Variants in EIF2B3 observed in about 807,000 individuals in gnomAD.
EIF2B3 encodes the protein translation initiation factor eIF2B subunit gamma.
In EIF2B3, 20 loss-of-function variants were observed where a neutral mutation model predicts 54.1. That is an observed-to-expected ratio of 0.37 (90% CI 0.26 to 0.54). The LOEUF (loss-of-function observed/expected upper bound fraction) is 0.54. Among genes scored for constraint, EIF2B3 ranks in the 20% least tolerant of loss-of-function variants. EIF2B3 has a pLI of 0.86. For synonymous variants in EIF2B3, 153 were observed against 188.1 expected, an observed-to-expected ratio of 0.81 and a Z score of 1.52; for missense variants, 448 against 547.8, an observed-to-expected ratio of 0.82 and a Z score of 1.82.
rs116105665 is a variant in EIF2B3, at chr1:44,914,790, G to A, written c.566+11838C>T. ...TGCTAGCTCCGCCACCCTGTTTCAC[G>A]ACATTCTCCTGCCTCAGCCTCCCAA... On this transcript the variant is annotated intron_variant, in intron 5 of 11. Transcript: ENST00000360403. Among the ~76,000 whole-genome samples the A allele has an allele frequency of 5.2e-3, 788 of 152,108 alleles. 10 individuals are homozygous for A. Among genetic ancestry groups the A allele is most frequent in the African/African-American group, 0.018 (756 of 41,536 alleles).
At position 44,966,385 on chromosome 1, in the gene EIF2B3, G is replaced by A. The variant is rs1196428532; in HGVS notation, c.294+11930C>T. Among the ~76,000 whole-genome samples the A allele has an allele frequency of 2.0e-5, 3 of 150,262 alleles. No homozygotes were observed. In the East Asian group the frequency reaches 5.9e-4, roughly 30 times the overall value. ...ACCTGGGGGGCGGAGCTTGCAGTGA[G>A]CCGAGATTATGCCACTGCACTCCAG... On this transcript the variant is annotated intron_variant, in intron 3 of 11. Transcript: ENST00000360403.
chr1:44,949,728 T>C (rs529482360), intron 3 of EIF2B3, among the ~76,000 whole-genome samples: 1 of 152,338 alleles, frequency 6.6e-6, no homozygotes, highest in East Asian at 1.9e-4. Context: ...GCAGCTGTCC[T>C]GGAGGGCACG....
intron 6 of EIF2B3, among the ~76,000 whole-genome samples, chr1:44,889,946 C>T (rs1346683690): frequency 6.6e-6 from 1 of 152,304 alleles, no homozygotes; most frequent in East Asian, 1.9e-4. Flanking sequence ...TCATAAAACC[C>T]CAGGAATGGG....
chr1:44,902,651 G>A (rs997164219), intron 5 of EIF2B3, among the ~76,000 whole-genome samples: 25 of 151,724 alleles, frequency 1.6e-4, no homozygotes, highest in African/African-American at 6.0e-4. Flanking sequence ...AGGAGACCTT[G>A]TCTCCACAAA....
rs1654656449 is a variant in EIF2B3 at position 44,862,876 on chromosome 1, CGT to C, written c.1203-5071_1203-5070del. ...CCTCCCAAAGTGTTGGGATTACAGG[CGT>C]GAGCCACTGCACCCAGCCTACACTC... On this transcript the variant is annotated intron_variant, in intron 10 of 11. Coordinates refer to ENST00000360403, the MANE Select transcript of EIF2B3 (RefSeq NM_020365.5). 2.6e-5 allele frequency: 4 copies of C among 152,080 alleles called. No individual in the cohort carries two copies. The South Asian group carries it at 8.3e-4, about 32-fold the overall frequency. The allele number at this position is 152,080 out of a possible 1,614,324, so 9.4% of individuals were successfully genotyped here.
At chr1:44,977,340 G>A (rs1011872520) in intron 3 of EIF2B3, among the ~76,000 whole-genome samples, 7 of 152,198 alleles carry the variant, frequency 4.6e-5, no homozygotes, top group South Asian at 4.1e-4. Flanking sequence ...ATTTTTGAAC[G>A]TTCCTTTGTA....
At chr1:44,978,724 C>T (rs1644481342) in intron 2 of EIF2B3, among the ~76,000 whole-genome samples, 2 of 144,376 alleles carry the variant, frequency 1.4e-5, no homozygotes, top group South Asian at 4.6e-4. Context: ...GCAGCCTCAA[C>T]CTCCCAAGAT....
intron 3 of EIF2B3, among the ~76,000 whole-genome samples, chr1:44,968,865 C>T (rs924835332): frequency 2.0e-5 from 3 of 149,620 alleles, no homozygotes; most frequent in African/African-American, 7.4e-5. Context: ...CCATGCACTC[C>T]AGCCTAGGTG....
chr1:44,926,523 C>T lies in EIF2B3; in HGVS notation c.566+105G>A, dbSNP rs1038590586. 1.0e-5 allele frequency: 9 copies of T among 880,066 alleles called. No individual in the cohort carries two copies. In the Admixed American group the frequency reaches 1.8e-4, roughly 18 times the overall value. 54.5% of individuals were successfully genotyped at this position (880,066 alleles called of 1,614,324 possible). A position where few individuals can be genotyped will look rare whatever the true frequency, so the allele number is the denominator to read the frequency against. On this transcript the variant is annotated intron_variant, in intron 5 of 11. Transcript: ENST00000360403. The stretch of plus-strand genomic sequence containing the variant: ...AATATTCACATACTTTTGTCAATTT[C>T]ACACAGTATAGTCTAGTTTTCATTC...
intron 3 of EIF2B3, among the ~76,000 whole-genome samples, chr1:44,961,593 C>T (rs575029841): frequency 1.3e-5 from 2 of 152,114 alleles, no homozygotes; most frequent in East Asian, 1.9e-4. Context: ...GTGGGAAGAT[C>T]GCCTTGTTTA....
chr1:44,879,820 G>A lies in EIF2B3; in HGVS notation c.973C>T (p.Gln325Ter), dbSNP rs1235790172. ...GATTTTCTAACTCATGCTCTCACCTGTCTGTTTGCTTCCATGTAGAGTCCC... is the reference window on the plus strand; with the variant it reads ...GATTTTCTAACTCATGCTCTCACCTATCTGTTTGCTTCCATGTAGAGTCCC... ...TLGLYMEANRQVPKLLSALCP... is the reference protein window; with the variant it reads ...TLGLYMEANR Residue 325 changes from glutamine to a stop codon, truncating the protein, a stop_gained and splice_region_variant, in exon 8 of 12, where the codon CAG becomes TAG. Coordinates refer to ENST00000360403, the MANE Select transcript of EIF2B3 (RefSeq NM_020365.5). LOFTEE classifies it high-confidence loss of function. 6.2e-7 allele frequency: 1 copy of A among 1,613,684 alleles called. No individual in the cohort carries two copies. Among genetic ancestry groups the A allele is most frequent in the Admixed American group, 1.7e-5 (1 of 60,020 alleles).
Position 44,894,920 on chromosome 1 carries a change from C to T in EIF2B3, c.656+2435G>A, listed in dbSNP as rs796758596. 2.9e-4 allele frequency among the ~76,000 whole-genome samples: 44 copies of T among 152,278 alleles called. 1 individual carries two copies. The highest frequency in any genetic ancestry group is 9.9e-4 in the African/African-American group (41 of 41,556). On this transcript the variant is annotated intron_variant, in intron 6 of 11. Coordinates refer to ENST00000360403, the MANE Select transcript of EIF2B3 (RefSeq NM_020365.5). ...AGACCTTCTACATGCTGCTACCTAC[C>T]ACCAACCAATTCAATCCCATCTCCC...
intron 11 of EIF2B3, among the ~76,000 whole-genome samples, chr1:44,854,556 TGATTA>T (rs1198811783): frequency 6.6e-6 from 1 of 150,912 alleles, no homozygotes; most frequent in Non-Finnish European, 1.5e-5. Flanking sequence ...AGCATGAAAA[TGATTA>T]GAATTTGGAG....
At chr1:44,878,757 CTT>C (rs113400214) in intron 8 of EIF2B3, among the ~76,000 whole-genome samples, 10 of 143,736 alleles carry the variant, frequency 7.0e-5, no homozygotes, top group African/African-American at 5.1e-5. Flanking sequence ...TTCCTATCCT[CTT>C]TTTTTTTTTT....
chr1:44,903,432 C>T (rs1396358844), intron 5 of EIF2B3, among the ~76,000 whole-genome samples: 1 of 152,184 alleles, frequency 6.6e-6, no homozygotes, highest in Non-Finnish European at 1.5e-5. Flanking sequence ...CCCTTCTTCC[C>T]CATTCCCAGC....
At chr1:44,977,605 C>CT (rs1644465495) in intron 3 of EIF2B3, among the ~76,000 whole-genome samples, 2 of 152,136 alleles carry the variant, frequency 1.3e-5, no homozygotes, top group South Asian at 4.2e-4. Context: ...GCTAGGATTA[C>CT]AGATGTGCAC....
At chr1:44,954,964 C>T (rs192631254) in intron 3 of EIF2B3, among the ~76,000 whole-genome samples, 1 of 152,276 alleles carries the variant, frequency 6.6e-6, no homozygotes, top group Non-Finnish European at 1.5e-5. Context: ...GCTTTTTCTG[C>T]ATCTGTTAAG....
intron 10 of EIF2B3, among the ~76,000 whole-genome samples, chr1:44,870,942 C>A (rs1042013483): frequency 6.6e-6 from 1 of 152,332 alleles, no homozygotes; most frequent in Admixed American, 6.5e-5. Flanking sequence ...GCCACCACAC[C>A]CAGCCTTCAG....
chr1:44,969,193 A>G (rs900434505), intron 3 of EIF2B3, among the ~76,000 whole-genome samples: 1 of 152,206 alleles, frequency 6.6e-6, no homozygotes, highest in African/African-American at 2.4e-5. Context: ...CAAAAATTCA[A>G]ACCTAAACCT....
Sources: allele counts gnomAD v4.1 joint callset (sites outside exome capture counted in the v4.1 genomes callset), GRCh38; gene constraint gnomAD v4.1.1; transcripts MANE v1.5; gene names NCBI Gene and HGNC (gene_info 2026-07-23, HGNC 2026-07-21).